Variants in RBFOX1 observed in about 807,000 individuals in gnomAD.
RBFOX1 encodes RNA binding protein fox-1 homolog 1.
Under a neutral mutation model 57.7 loss-of-function variants are expected in RBFOX1, and 8 were observed. The ratio of observed to expected loss-of-function variants is 0.14; its 90% confidence interval spans 0.08 to 0.25. The LOEUF (loss-of-function observed/expected upper bound fraction) is 0.25, where lower values mean the gene tolerates loss of function less well. Ranked by LOEUF, RBFOX1 falls within the 10% of genes least tolerant of loss-of-function variation. The pLI, the probability that RBFOX1 is intolerant of heterozygous loss-of-function variation, is 1.00. For missense variants in RBFOX1, 611 were observed against 548.5 expected (o/e 1.11, Z -1.14); for synonymous variants, 326 against 222.4 (o/e 1.47, Z -4.15).
intron 3 of RBFOX1, among the ~76,000 whole-genome samples, chr16:5,796,349 A>G (rs1026124671): frequency 6.6e-6 from 1 of 152,256 alleles, no homozygotes; most frequent in Non-Finnish European, 1.5e-5. Flanking sequence ...GCAAGGAATC[A>G]GGAATGAGTT....
At chr16:7,202,872 T>G (rs1602950932) in intron 4 of RBFOX1, among the ~76,000 whole-genome samples, 1 of 152,306 alleles carries the variant, frequency 6.6e-6, no homozygotes, top group East Asian at 1.9e-4. Flanking sequence ...TGGGGTCTGC[T>G]GAAGTACAGC....
At chr16:5,407,075 C>G (rs1162181673) in intron 1 of RBFOX1, among the ~76,000 whole-genome samples, 1 of 152,002 alleles carries the variant, frequency 6.6e-6, no homozygotes, top group Non-Finnish European at 1.5e-5. Flanking sequence ...GTGGGGAGGC[C>G]TCAGGAAACT....
chr16:7,532,310 G>C (rs900409307), intron 5 of RBFOX1, among the ~76,000 whole-genome samples: 1 of 152,086 alleles, frequency 6.6e-6, no homozygotes, highest in Non-Finnish European at 1.5e-5. Context: ...TCCACAAAAG[G>C]GGAAGAGACA....
chr16:6,030,549 A>C (rs1052153703), intron 1 of RBFOX1, among the ~76,000 whole-genome samples: 3 of 152,198 alleles, frequency 2.0e-5, no homozygotes, highest in Admixed American at 6.5e-5. Context: ...ATACCTTTGC[A>C]AGGTACCTAA....
At chr16:5,572,872 G>A (rs1242324260) in intron 2 of RBFOX1, among the ~76,000 whole-genome samples, 2 of 152,192 alleles carry the variant, frequency 1.3e-5, no homozygotes, top group East Asian at 1.9e-4. Context: ...AGGTACTCAG[G>A]GTTGAGGCCA....
chr16:5,891,776 A>C (rs1384696880), intron 4 of RBFOX1, among the ~76,000 whole-genome samples: 1 of 152,192 alleles, frequency 6.6e-6, no homozygotes, highest in African/African-American at 2.4e-5. Flanking sequence ...GGGGTAGAGC[A>C]CAGGGCTCGG....
intron 2 of RBFOX1, among the ~76,000 whole-genome samples, chr16:6,649,766 T>G (rs2098564996): frequency 6.6e-6 from 1 of 152,232 alleles, no homozygotes. Context: ...TATGTATATA[T>G]AAGATGTAGT....
intron 4 of RBFOX1, among the ~76,000 whole-genome samples, chr16:7,168,727 C>G (rs57242849): frequency 0.011 from 1,639 of 152,228 alleles, 26 homozygotes; most frequent in African/African-American, 0.038. Context: ...TCTTCAGTCC[C>G]TAAAAATATC....
intron 2 of RBFOX1, among the ~76,000 whole-genome samples, chr16:6,426,132 CTCTCTCTCTGTCTCTCTTTCTG>C (rs1209036990): frequency 6.6e-6 from 1 of 152,050 alleles, no homozygotes; most frequent in Non-Finnish European, 1.5e-5. Flanking sequence ...CTCTTATTCT[CTCTCTCTCTGTCTCTCTTTCTG>C]TCTTTCCCTC....
chr16:7,030,075 A>G (rs1410381309), intron 3 of RBFOX1, among the ~76,000 whole-genome samples: 2 of 151,812 alleles, frequency 1.3e-5, no homozygotes. Flanking sequence ...GGAAAGTAAA[A>G]CATTATTACA....
At position 7,272,724 on chromosome 16, in the gene RBFOX1, C is replaced by T. The variant is rs538825511; in HGVS notation, c.27+220626C>T. Among the ~76,000 whole-genome samples the T allele has an allele frequency of 4.6e-5, 7 of 152,168 alleles. No individual in the cohort carries two copies. The East Asian group carries it at 5.8e-4, about 13-fold the overall frequency. ...AGGAGAGAGGAAGGGAGGAAACAGA[C>T]GCAGCTGAGAGCTCCTGAAGCTCCT... is the stretch of plus-strand genomic sequence containing the variant. On this transcript the variant is annotated intron_variant, in intron 4 of 15. Coordinates refer to ENST00000550418, the MANE Select transcript of RBFOX1 (RefSeq NM_018723.4).
intron 3 of RBFOX1, among the ~76,000 whole-genome samples, chr16:5,751,402 G>C (rs1002316277): frequency 1.3e-5 from 2 of 152,144 alleles, no homozygotes; most frequent in Non-Finnish European, 2.9e-5. Context: ...TGACATCTCT[G>C]TGAAGCAAGT....
At chr16:6,933,701 C>T (rs774337507) in intron 3 of RBFOX1, among the ~76,000 whole-genome samples, 53 of 152,142 alleles carry the variant, frequency 3.5e-4, no homozygotes, top group African/African-American at 7.0e-4. Context: ...GGGGACAGCA[C>T]GAGACTGCGT....
chr16:5,648,620 C>G (rs907523086), intron 3 of RBFOX1, among the ~76,000 whole-genome samples: 1 of 151,930 alleles, frequency 6.6e-6, no homozygotes, highest in Non-Finnish European at 1.5e-5. Flanking sequence ...ATGATCTTAC[C>G]CAACACGTCA....
At chr16:5,345,769 C>T (rs1243425860) in intron 1 of RBFOX1, among the ~76,000 whole-genome samples, 1 of 152,146 alleles carries the variant, frequency 6.6e-6, no homozygotes, top group Non-Finnish European at 1.5e-5. Context: ...ATGACGCCAC[C>T]CCTTTCCAGC....
intron 11 of RBFOX1, among the ~76,000 whole-genome samples, chr16:7,630,992 A>C (rs1398711818): frequency 6.6e-6 from 1 of 152,202 alleles, no homozygotes; most frequent in Non-Finnish European, 1.5e-5. Context: ...TTTGCAAATT[A>C]ATATAAAAAT....
chr16:6,618,040 T>C (rs2098169097), intron 2 of RBFOX1, among the ~76,000 whole-genome samples: 1 of 152,164 alleles, frequency 6.6e-6, no homozygotes, highest in Non-Finnish European at 1.5e-5. Flanking sequence ...CATGCAAGAC[T>C]TTGCTCAAAT....
At chr16:6,669,806 G>C (rs1384780223) in intron 3 of RBFOX1, among the ~76,000 whole-genome samples, 1 of 152,140 alleles carries the variant, frequency 6.6e-6, no homozygotes, top group African/African-American at 2.4e-5. Context: ...TTTTGGTTAA[G>C]GGAGCACAGT....
At chr16:7,255,623 C>T (rs997941427) in intron 4 of RBFOX1, among the ~76,000 whole-genome samples, 1 of 151,962 alleles carries the variant, frequency 6.6e-6, no homozygotes, top group African/African-American at 2.4e-5. Flanking sequence ...AAGGTCTGGA[C>T]CAGCACTGTT....
Sources: allele counts gnomAD v4.1 joint callset (sites outside exome capture counted in the v4.1 genomes callset), GRCh38; gene constraint gnomAD v4.1.1; transcripts MANE v1.5; gene names NCBI Gene and HGNC (gene_info 2026-07-23, HGNC 2026-07-21).